The following RRM2 variants were observed in gnomAD, a reference collection of about 807,000 sequenced individuals.
The protein encoded by RRM2 is ribonucleotide reductase regulatory subunit M2, also known as ribonucleoside-diphosphate reductase subunit M2.
In RRM2, 6 loss-of-function variants were observed where a neutral mutation model predicts 45.9. The observed-to-expected ratio is 0.13, with a 90% confidence interval of 0.07 to 0.26. The LOEUF (loss-of-function observed/expected upper bound fraction) is 0.26, where lower values mean the gene tolerates loss of function less well. RRM2 is among the 10% of genes least tolerant of loss of function. The pLI is 1.00. For missense variants in RRM2, 343 were observed against 489.5 expected, an observed-to-expected ratio of 0.70 and a Z score of 2.82; for synonymous variants, 177 against 173.0, an observed-to-expected ratio of 1.02 and a Z score of -0.18.
At chr2:10,126,810 G>A in intron 5 of RRM2, 65 bp from the exon 6 acceptor site, 1 of 1,217,918 alleles carries the variant, frequency 8.2e-7, no homozygotes, top group Non-Finnish European at 1.2e-6. Flanking sequence ...CTCTTATCTA[G>A]CAGTTGGTAA....
downstream of RRM2, among the ~76,000 whole-genome samples, chr2:10,132,026 G>C (rs908723796): frequency 6.6e-6 from 1 of 152,178 alleles, no homozygotes; most frequent in Non-Finnish European, 1.5e-5. Flanking sequence ...TCCCACATCT[G>C]ACCTGTGTGG....
chr2:10,155,222 T>G, intron 3 of RRM2: 1 of 257,882 alleles, frequency 3.9e-6, no homozygotes, highest in Non-Finnish European at 7.8e-6. Flanking sequence ...GTTTCTTTAA[T>G]TAGCAAGTTT....
chr2:10,128,603 T>C (rs913616304), intron 7 of RRM2, among the ~76,000 whole-genome samples: 1 of 152,170 alleles, frequency 6.6e-6, no homozygotes, highest in African/African-American at 2.4e-5. Flanking sequence ...GAGCAAGAAA[T>C]ACACCTTGCC....
At chr2:10,157,114 C>T (rs1325618243) in intron 3 of RRM2, among the ~76,000 whole-genome samples, 4 of 150,178 alleles carry the variant, frequency 2.7e-5, no homozygotes, top group East Asian at 3.9e-4. Context: ...CTGCAAGCTC[C>T]GCTTCCCAGG....
chr2:10,140,226 G>A (rs1046303520), upstream of RRM2, among the ~76,000 whole-genome samples: 3 of 151,954 alleles, frequency 2.0e-5, no homozygotes, highest in Admixed American at 6.6e-5. Flanking sequence ...CAGCCTGGGC[G>A]ACAGAGCAAG....
At chr2:10,125,625 C>T (rs999660160) in intron 5 of RRM2, among the ~76,000 whole-genome samples, 30 of 152,020 alleles carry the variant, frequency 2.0e-4, no homozygotes, top group Non-Finnish European at 1.9e-4. Flanking sequence ...ACCCGGGAGG[C>T]GGAGCTTGCG....
At chr2:10,206,308 T>A (rs2125335424) in intron 3 of RRM2, among the ~76,000 whole-genome samples, 1 of 151,612 alleles carries the variant, frequency 6.6e-6, no homozygotes, top group Admixed American at 6.6e-5. Context: ...CAGTTCTGGG[T>A]ATTTATGCAC....
At chr2:10,123,686 A>G in intron 3 of RRM2, 50 bp from the exon 4 acceptor site, 1 of 1,409,286 alleles carries the variant, frequency 7.1e-7, no homozygotes, top group South Asian at 1.2e-5. Context: ...TGAGTCCTGT[A>G]GGCTTTACTC....
chr2:10,199,991 C>T (rs1664512651), intron 3 of RRM2, among the ~76,000 whole-genome samples: 1 of 151,864 alleles, frequency 6.6e-6, no homozygotes, highest in Admixed American at 6.6e-5. Context: ...TGCCACCATG[C>T]CCAGCTAATT....
intron 3 of RRM2, among the ~76,000 whole-genome samples, chr2:10,153,129 T>C (rs1663350357): frequency 6.6e-6 from 1 of 152,008 alleles, no homozygotes; most frequent in Non-Finnish European, 1.5e-5. Context: ...GTCAGGAGTT[T>C]GAGACCAGCC....
rs574895418 is a variant in RRM2 at position 10,193,949 on chromosome 2, C to T, written n.483-16362C>T. Among the ~76,000 whole-genome samples the T allele has an allele frequency of 1.3e-3, 198 of 152,252 alleles. 4 individuals carry two copies. The highest frequency in any genetic ancestry group is 9.1e-4 in the Non-Finnish European group (62 of 68,014). ...GATTATGGCTGCTCCTGGGCTGGAG[C>T]GTGGAACCCAGAGACATTTCACAAA... On this transcript the variant is annotated intron_variant and non_coding_transcript_variant, in intron 3 of 3. Coordinates refer to the RRM2 transcript ENST00000381786.
rs1402806355 is a variant in RRM2, at chr2:10,200,643, G to GGA, written n.483-9668_483-9667insGA. Among the ~76,000 whole-genome samples the GGA allele has an allele frequency of 4.9e-5, 5 of 102,816 alleles. 1 individual carries two copies. Among genetic ancestry groups the GGA allele is most frequent in the African/African-American group, 1.8e-4 (5 of 27,944 alleles). 67.5% of individuals were successfully genotyped at this position (102,816 alleles called of 152,430 possible). Reference sequence around the variant, plus strand: ...CGCGCGCAAAATATGAGGCCCACAGGCACCGCGCACACAAAATATGAGGCC... The same window carrying GGA: ...CGCGCGCAAAATATGAGGCCCACAGGGACACCGCGCACACAAAATATGAGGCC... On this transcript the variant is annotated intron_variant and non_coding_transcript_variant, in intron 3 of 3. Transcript: ENST00000381786.
intron 3 of RRM2, among the ~76,000 whole-genome samples, chr2:10,186,534 C>T (rs1664170409): frequency 1.3e-5 from 2 of 151,846 alleles, no homozygotes; most frequent in South Asian, 4.2e-4. Context: ...GTGTGTACAA[C>T]AGTTAAAAGC....
At chr2:10,173,034 C>T (rs761313371) in intron 3 of RRM2, among the ~76,000 whole-genome samples, 6 of 152,202 alleles carry the variant, frequency 3.9e-5, no homozygotes, top group Admixed American at 6.5e-5. Context: ...TCACAGCACT[C>T]GGCAGTGTGG....
intron 3 of RRM2, among the ~76,000 whole-genome samples, chr2:10,143,619 G>A (rs1316114748): frequency 1.3e-5 from 2 of 152,188 alleles, no homozygotes; most frequent in East Asian, 3.8e-4. Flanking sequence ...GATCATGACT[G>A]GAGTCCCTGG....
At chr2:10,199,800 A>AAAACAAAAAAAAAC (rs1553329430) in intron 3 of RRM2, among the ~76,000 whole-genome samples, 3 of 97,882 alleles carry the variant, frequency 3.1e-5, no homozygotes, top group South Asian at 3.8e-4. Flanking sequence ...AAAAAAAAAA[A>AAAACAAAAAAAAAC]AAAAAAAAAC....
At chr2:10,178,117 G>A (rs1663970622) in intron 3 of RRM2, among the ~76,000 whole-genome samples, 2 of 151,374 alleles carry the variant, frequency 1.3e-5, no homozygotes, top group Admixed American at 6.6e-5. Context: ...TAGTAGAGAC[G>A]GGGTTTCACC....
intron 3 of RRM2, among the ~76,000 whole-genome samples, chr2:10,184,692 G>A (rs1664128003): frequency 6.6e-6 from 1 of 152,184 alleles, no homozygotes; most frequent in Non-Finnish European, 1.5e-5. Context: ...GAGGTCTCTC[G>A]GTCTCCATGG....
intron 3 of RRM2, chr2:10,146,012 T>A (rs1199576966): frequency 6.6e-6 from 1 of 152,298 alleles, no homozygotes; most frequent in Admixed American, 6.5e-5. Flanking sequence ...CTAGCCTACC[T>A]GCCGAGAGTC....
Sources: allele counts gnomAD v4.1 joint callset (sites outside exome capture counted in the v4.1 genomes callset), GRCh38; gene constraint gnomAD v4.1.1; transcripts MANE v1.5; gene names NCBI Gene and HGNC (gene_info 2026-07-23, HGNC 2026-07-21).